The following OSBPL9 variants were observed in gnomAD, a reference collection of about 807,000 sequenced individuals.
The protein encoded by OSBPL9 is oxysterol-binding protein-related protein 9.
OSBPL9 carries 40 observed loss-of-function variants against 106.6 expected under a neutral mutation model. The observed-to-expected ratio is 0.38, with a 90% CI of 0.29 to 0.49. The LOEUF is 0.49. Among genes scored for constraint, OSBPL9 ranks in the 20% least tolerant of loss-of-function variants. The pLI, the probability that OSBPL9 is intolerant of heterozygous loss-of-function variation, is 0.97. For missense variants in OSBPL9, 609 were observed against 887.2 expected, an observed-to-expected ratio of 0.69 and a Z score of 3.98; for synonymous variants, 269 against 295.4, an observed-to-expected ratio of 0.91 and a Z score of 0.92.
the OSBPL9 span, among the ~76,000 whole-genome samples, chr1:51,568,632 C>T: frequency 6.6e-6 from 1 of 152,250 alleles, no homozygotes; most frequent in East Asian, 1.9e-4. Context: ...AGTGGTGCAA[C>T]CTCAGCTCAC....
chr1:51,607,422 A>G (rs1643956438), intron 2 of OSBPL9, among the ~76,000 whole-genome samples: 1 of 152,136 alleles, frequency 6.6e-6, no homozygotes, highest in Non-Finnish European at 1.5e-5. Flanking sequence ...TCAGCCTCCC[A>G]AAGAGCTAGG....
intron 3 of OSBPL9, among the ~76,000 whole-genome samples, chr1:51,678,035 C>G (rs1464220178): frequency 6.6e-6 from 1 of 151,802 alleles, no homozygotes; most frequent in Non-Finnish European, 1.5e-5. Flanking sequence ...AAAAAACTCC[C>G]CTGAGCATGG....
intron 2 of OSBPL9, among the ~76,000 whole-genome samples, chr1:51,667,441 AT>A (rs763458074): frequency 6.6e-6 from 1 of 152,154 alleles, no homozygotes; most frequent in East Asian, 1.9e-4. Flanking sequence ...TATTCTGGAC[AT>A]TTTTTGTAAG....
intron 1 of OSBPL9, among the ~76,000 whole-genome samples, chr1:51,644,251 G>A (rs1350463547): frequency 6.6e-6 from 1 of 152,134 alleles, no homozygotes; most frequent in Non-Finnish European, 1.5e-5. Context: ...GCTTTTATGA[G>A]ACAGAAATGA....
the OSBPL9 span, among the ~76,000 whole-genome samples, chr1:51,525,845 G>T: frequency 6.6e-6 from 1 of 152,068 alleles, no homozygotes; most frequent in African/African-American, 2.4e-5. Flanking sequence ...GAACTCCTGG[G>T]CTTAAGCGAT....
intron 1 of OSBPL9, among the ~76,000 whole-genome samples, chr1:51,584,727 A>T (rs563023962): frequency 1.7e-4 from 26 of 152,282 alleles, no homozygotes; most frequent in African/African-American, 3.4e-4. Flanking sequence ...AAAATAAAAT[A>T]AAATAAAATT....
chr1:51,627,008 TTG>T (rs2148641928), intron 1 of OSBPL9, among the ~76,000 whole-genome samples: 1 of 152,310 alleles, frequency 6.6e-6, no homozygotes, highest in South Asian at 2.1e-4. Context: ...CATGGTTTTT[TTG>T]TTTGTTTATT....
Position 51,731,506 on chromosome 1 carries a change from TAC to T in OSBPL9, c.319-14028_319-14027del, listed in dbSNP as rs1339687062. Among the ~76,000 whole-genome samples, 7 of 151,400 alleles carry T rather than the reference TAC, an allele frequency of 4.6e-5. No homozygotes were observed. In the East Asian group the frequency reaches 1.4e-3, roughly 30 times the overall value. On this transcript the variant is annotated intron_variant, in intron 4 of 23. Transcript: ENST00000428468. ...GGGCGCAGTAGCTCACGCCTGTAAT[TAC>T]AGTGCTGCCTATAATCCCAGCACTT...
chr1:51,541,776 T>A, the OSBPL9 span, among the ~76,000 whole-genome samples: 5 of 152,214 alleles, frequency 3.3e-5, no homozygotes, highest in African/African-American at 1.2e-4. Flanking sequence ...GGGCTGGGCT[T>A]CCCAGTAGTT....
chr1:51,632,077 G>A (rs575753004), intron 1 of OSBPL9, among the ~76,000 whole-genome samples: 73 of 152,132 alleles, frequency 4.8e-4, no homozygotes, highest in African/African-American at 1.7e-3. Context: ...ACCTGAGGCT[G>A]TTTTACAGTT....
chr1:51,595,670 T>C (rs1368044531), intron 1 of OSBPL9, among the ~76,000 whole-genome samples: 1 of 152,190 alleles, frequency 6.6e-6, no homozygotes, highest in Non-Finnish European at 1.5e-5. Context: ...TCAATGTTAT[T>C]TACCCTATTG....
chr1:51,637,378 T>A (rs1306187169), intron 1 of OSBPL9, among the ~76,000 whole-genome samples: 1 of 151,988 alleles, frequency 6.6e-6, no homozygotes, highest in East Asian at 1.9e-4. Flanking sequence ...TAATCCCAGC[T>A]ACTCAGGAGG....
At chr1:51,606,818 G>A (rs1189479088) in intron 2 of OSBPL9, among the ~76,000 whole-genome samples, 1 of 152,182 alleles carries the variant, frequency 6.6e-6, no homozygotes, top group Non-Finnish European at 1.5e-5. Flanking sequence ...GGAGGCCAAG[G>A]CGGGCAGATC....
intron 2 of OSBPL9, among the ~76,000 whole-genome samples, chr1:51,610,399 T>A (rs962892065): frequency 6.6e-6 from 1 of 152,250 alleles, no homozygotes; most frequent in Admixed American, 6.5e-5. Context: ...TAGCTGGGAT[T>A]ATAGGCGTGC....
At chr1:51,629,451 A>G (rs1644972398) in intron 1 of OSBPL9, among the ~76,000 whole-genome samples, 2 of 152,062 alleles carry the variant, frequency 1.3e-5, no homozygotes, top group Non-Finnish European at 2.9e-5. Flanking sequence ...TTGTTAGGTG[A>G]TTTTATCATT....
intron 17 of OSBPL9, 71 bp from the exon 18 acceptor site, chr1:51,783,844 C>T: frequency 8.8e-7 from 1 of 1,141,738 alleles, no homozygotes; most frequent in Non-Finnish European, 1.3e-6. Context: ...CCAATTATTT[C>T]CCCAGGTTAT....
chr1:51,666,897 G>A (rs914775244), intron 2 of OSBPL9, among the ~76,000 whole-genome samples: 9 of 152,156 alleles, frequency 5.9e-5, no homozygotes, highest in Admixed American at 5.2e-4. Flanking sequence ...ATATTACTCC[G>A]GCAATAGCAA....
chr1:51,723,815 T>C (rs868842507), intron 4 of OSBPL9, among the ~76,000 whole-genome samples: 2 of 152,216 alleles, frequency 1.3e-5, no homozygotes, highest in Non-Finnish European at 2.9e-5. Flanking sequence ...ACTATAAACA[T>C]TGTATACAAG....
At chr1:51,697,797 A>G (rs534151644) in intron 3 of OSBPL9, among the ~76,000 whole-genome samples, 33 of 149,910 alleles carry the variant, frequency 2.2e-4, no homozygotes, top group African/African-American at 8.1e-4. Context: ...AATGTATTCT[A>G]CATACTAGAT....
Sources: gnomAD v4.1 joint callset for allele counts (sites outside exome capture counted in the v4.1 genomes callset) on GRCh38, gnomAD v4.1.1 for gene constraint, MANE v1.5 for transcripts, NCBI Gene and HGNC (gene_info 2026-07-23, HGNC 2026-07-21) for gene names.